SPATA6: variants seen among roughly 807,000 people sequenced by gnomAD.
SPATA6 encodes the protein spermatogenesis-associated protein 6.
SPATA6 carries 56 observed loss-of-function variants against 65.3 expected under a neutral mutation model. That is an observed-to-expected ratio of 0.86 (90% CI 0.69 to 1.07). The LOEUF is 1.07. Ranked by LOEUF, SPATA6 falls within the 50% of genes least tolerant of loss-of-function variation. SPATA6 has a pLI of 0.00. For missense variants in SPATA6, 590 were observed against 594.8 expected, an observed-to-expected ratio of 0.99 and a Z score of 0.08; for synonymous variants, 199 against 213.2, an observed-to-expected ratio of 0.93 and a Z score of 0.58.
chr1:48,347,822 C>T (rs1646412381), intron 11 of SPATA6, among the ~76,000 whole-genome samples: 1 of 151,868 alleles, frequency 6.6e-6, no homozygotes. Context: ...TTGTGATCCA[C>T]ACCAAGGAAC....
At chr1:48,363,851 G>C (rs1646902336) in intron 9 of SPATA6, among the ~76,000 whole-genome samples, 1 of 151,408 alleles carries the variant, frequency 6.6e-6, no homozygotes, top group Non-Finnish European at 1.5e-5. Context: ...TGCACAATGT[G>C]AAGGTTTGTT....
At chr1:48,326,737 AAAAC>A (rs1301660894) in intron 11 of SPATA6, among the ~76,000 whole-genome samples, 1 of 152,204 alleles carries the variant, frequency 6.6e-6, no homozygotes, top group Non-Finnish European at 1.5e-5. Context: ...AATGTTGACA[AAAAC>A]AAACAATGGG....
intron 12 of SPATA6, among the ~76,000 whole-genome samples, chr1:48,301,438 C>G (rs72891519): frequency 0.015 from 2,261 of 151,814 alleles, 54 homozygotes; most frequent in African/African-American, 0.052. Flanking sequence ...CTATACTACC[C>G]AAAGCAATCT....
chr1:48,390,596 C>A (rs941110589), intron 8 of SPATA6, among the ~76,000 whole-genome samples: 3 of 152,130 alleles, frequency 2.0e-5, no homozygotes, highest in Non-Finnish European at 4.4e-5. Context: ...ATGACAAATA[C>A]ACAAAATGGT....
chr1:48,263,366 T>C, the SPATA6 span, among the ~76,000 whole-genome samples: 96 of 152,282 alleles, frequency 6.3e-4, no homozygotes, highest in Non-Finnish European at 1.2e-3. Flanking sequence ...ATCAAAAGTA[T>C]ATTCAGAAAT....
chr1:48,454,048 G>C lies in SPATA6; in HGVS notation c.52-917C>G, dbSNP rs188418254. ...AGATGGGGTCTCGCTCTGTCACCCAGGCTGGAGTGCACTTATATAGTTAAG... is the reference window on the plus strand; with the variant it reads ...AGATGGGGTCTCGCTCTGTCACCCACGCTGGAGTGCACTTATATAGTTAAG... On this transcript the variant is annotated intron_variant, in intron 1 of 12. Coordinates refer to ENST00000371847, the MANE Select transcript of SPATA6 (RefSeq NM_019073.4). 1.6e-3 allele frequency among the ~76,000 whole-genome samples: 233 copies of C among 150,268 alleles called. 2 individuals carry two copies. Among genetic ancestry groups the C allele is most frequent in the African/African-American group, 5.6e-3 (228 of 40,896 alleles).
intron 11 of SPATA6, among the ~76,000 whole-genome samples, chr1:48,311,997 G>A (rs1383961189): frequency 2.0e-5 from 3 of 152,198 alleles, no homozygotes; most frequent in Non-Finnish European, 4.4e-5. Context: ...AGATAAAACT[G>A]CAAGGTGGCA....
chr1:48,306,200 G>C (rs1334005625), intron 11 of SPATA6, among the ~76,000 whole-genome samples: 1 of 151,878 alleles, frequency 6.6e-6, no homozygotes. Context: ...CTTATACATT[G>C]TTATATGAAC....
At chr1:48,328,559 C>T (rs1645829821) in intron 11 of SPATA6, among the ~76,000 whole-genome samples, 1 of 152,012 alleles carries the variant, frequency 6.6e-6, no homozygotes, top group African/African-American at 2.4e-5. Context: ...GAATGGGCAT[C>T]TACAGGAATT....
chr1:48,321,860 T>C (rs1188791587), intron 11 of SPATA6, among the ~76,000 whole-genome samples: 1 of 152,226 alleles, frequency 6.6e-6, no homozygotes, highest in African/African-American at 2.4e-5. Context: ...AAGAGAAATT[T>C]TGGACACTAC....
chr1:48,369,069 T>C (rs1247340533), intron 9 of SPATA6, among the ~76,000 whole-genome samples: 1 of 152,190 alleles, frequency 6.6e-6, no homozygotes, highest in Admixed American at 6.5e-5. Context: ...CTCCACACTG[T>C]TTGCCTGGGT....
intron 11 of SPATA6, among the ~76,000 whole-genome samples, chr1:48,329,972 A>G (rs1645868905): frequency 1.3e-5 from 2 of 152,220 alleles, no homozygotes; most frequent in Admixed American, 6.5e-5. Flanking sequence ...TCTGAGTCCA[A>G]GAGGACTGCC....
chr1:48,359,871 G>T, intron 9 of SPATA6, 101 bp from the exon 10 acceptor site: 1 of 817,652 alleles, frequency 1.2e-6, no homozygotes, highest in Non-Finnish European at 1.7e-6. Flanking sequence ...ATATGCATGT[G>T]CACACACACA....
chr1:48,334,794 CAA>C (rs1200606747), intron 11 of SPATA6, among the ~76,000 whole-genome samples: 1 of 152,048 alleles, frequency 6.6e-6, no homozygotes, highest in Non-Finnish European at 1.5e-5. Flanking sequence ...GGCAATCAGA[CAA>C]GAGAGAGAAG....
chr1:48,387,743 G>C (rs768442373), intron 8 of SPATA6, among the ~76,000 whole-genome samples: 2 of 152,092 alleles, frequency 1.3e-5, no homozygotes, highest in Non-Finnish European at 1.5e-5. Context: ...GCACCTGAAC[G>C]CTCCTCCCCA....
intron 7 of SPATA6, among the ~76,000 whole-genome samples, chr1:48,396,321 T>A (rs1650582555): frequency 6.6e-6 from 1 of 151,734 alleles, no homozygotes; most frequent in East Asian, 1.9e-4. Context: ...AAACACTATG[T>A]CAGGGTCTCA....
intron 5 of SPATA6, among the ~76,000 whole-genome samples, chr1:48,404,602 C>T (rs1651514231): frequency 6.6e-6 from 1 of 152,012 alleles, no homozygotes; most frequent in Admixed American, 6.6e-5. Flanking sequence ...CTCAGCCTCC[C>T]AAAGCACTGG....
intron 3 of SPATA6, among the ~76,000 whole-genome samples, chr1:48,414,851 A>C (rs754117265): frequency 7.9e-5 from 12 of 152,254 alleles, no homozygotes; most frequent in Non-Finnish European, 1.8e-4. Context: ...AACAAGCATC[A>C]GACCCAGAGT....
chr1:48,432,309 G>T (rs1577975), intron 3 of SPATA6, among the ~76,000 whole-genome samples: 148,762 of 152,174 alleles, frequency 0.98, 72,803 homozygotes, highest in East Asian at 1. Flanking sequence ...CCATGAAAAT[G>T]TTAAAATTTC....
Sources: allele counts gnomAD v4.1 joint callset (sites outside exome capture counted in the v4.1 genomes callset), GRCh38; gene constraint gnomAD v4.1.1; transcripts MANE v1.5; gene names NCBI Gene and HGNC (gene_info 2026-07-23, HGNC 2026-07-21).